The following PELI2 variants were observed in gnomAD, a reference collection of about 807,000 sequenced individuals.
PELI2 encodes E3 ubiquitin-protein ligase pellino homolog 2.
In PELI2, 23 loss-of-function variants were observed where a neutral mutation model predicts 42.3. The observed-to-expected ratio is 0.54, with a 90% confidence interval of 0.39 to 0.77. The LOEUF is 0.77. Ranked by LOEUF, PELI2 falls within the 30% of genes least tolerant of loss-of-function variation. The pLI is 0.00. For missense variants in PELI2, 463 were observed against 553.2 expected (o/e 0.84, Z 1.64); for synonymous variants, 245 against 212.2 (o/e 1.15, Z -1.34).
intron 2 of PELI2, among the ~76,000 whole-genome samples, chr14:56,268,893 C>A (rs1165645984): frequency 6.6e-6 from 1 of 152,172 alleles, no homozygotes; most frequent in Non-Finnish European, 1.5e-5. Flanking sequence ...TTGTAGGGAG[C>A]TGCTACACGG....
chr14:56,255,608 A>C (rs1330043653), intron 2 of PELI2, among the ~76,000 whole-genome samples: 2 of 152,162 alleles, frequency 1.3e-5, no homozygotes, highest in African/African-American at 4.8e-5. Context: ...TGTTGTGCAC[A>C]TGTATCCCAG....
chr14:56,135,508 A>G (rs527604259), intron 1 of PELI2, among the ~76,000 whole-genome samples: 4 of 152,318 alleles, frequency 2.6e-5, no homozygotes, highest in Non-Finnish European at 4.4e-5. Context: ...TTTTGAGGGC[A>G]TGTTGGTGGT....
chr14:56,277,969 C>T (rs969539542), intron 2 of PELI2, among the ~76,000 whole-genome samples: 1 of 152,098 alleles, frequency 6.6e-6, no homozygotes, highest in African/African-American at 2.4e-5. Flanking sequence ...AAAAGTATTT[C>T]CCATTATTGC....
At chr14:56,224,260 C>T (rs902543191) in intron 2 of PELI2, among the ~76,000 whole-genome samples, 1 of 152,206 alleles carries the variant, frequency 6.6e-6, no homozygotes, top group African/African-American at 2.4e-5. Flanking sequence ...TTTAATACTG[C>T]TTGCAGACCT....
At chr14:56,139,610 A>T (rs1883827412) in intron 1 of PELI2, among the ~76,000 whole-genome samples, 1 of 152,102 alleles carries the variant, frequency 6.6e-6, no homozygotes, top group Non-Finnish European at 1.5e-5. Context: ...AGGTCTTTTT[A>T]AAAAAATTCT....
At position 56,288,391 on chromosome 14, in the gene PELI2, C is replaced by A. The variant is rs200418198; in HGVS notation, c.310-46C>A. ...TTTTCCTTGTGAATAAAATACGGCA[C>A]CCTGCTATTTTCCAAGTGAATCACG... On this transcript the variant is annotated intron_variant, in intron 3 of 5. Coordinates refer to ENST00000267460, the MANE Select transcript of PELI2 (RefSeq NM_021255.3). This position sits in a 1 kb window ranked among gnomAD's most constrained non-coding sequence, Gnocchi z 4.6. 2.1e-6 allele frequency: 3 copies of A among 1,433,932 alleles called. No homozygotes were observed. The highest frequency in any genetic ancestry group is 2.9e-6 in the Non-Finnish European group (3 of 1,022,520). 88.8% of individuals were successfully genotyped at this position (1,433,932 alleles called of 1,614,324 possible). A position where few individuals can be genotyped will look rare whatever the true frequency, so the allele number is the denominator to read the frequency against.
At chr14:56,161,504 A>G (rs892125489) in intron 1 of PELI2, among the ~76,000 whole-genome samples, 7 of 151,882 alleles carry the variant, frequency 4.6e-5, no homozygotes, top group Non-Finnish European at 1.0e-4. Flanking sequence ...CGATCTCTTG[A>G]CCTCGCGATC....
At chr14:56,194,463 C>T (rs1225606541) in intron 2 of PELI2, among the ~76,000 whole-genome samples, 1 of 152,240 alleles carries the variant, frequency 6.6e-6, no homozygotes, top group Admixed American at 6.5e-5. Context: ...TGCTTCTTCA[C>T]CAGTCGCCAT....
intron 2 of PELI2, among the ~76,000 whole-genome samples, chr14:56,241,037 G>A (rs1389192525): frequency 6.6e-6 from 1 of 152,128 alleles, no homozygotes; most frequent in Non-Finnish European, 1.5e-5. Flanking sequence ...GATCTTGACA[G>A]TCTCCCCTTG....
At chr14:56,156,857 CCT>C (rs1884585472) in intron 1 of PELI2, among the ~76,000 whole-genome samples, 1 of 152,138 alleles carries the variant, frequency 6.6e-6, no homozygotes, top group African/African-American at 2.4e-5. Flanking sequence ...TCAAACTGTG[CCT>C]CTCTGTGTAA....
rs1453298044 is a variant in PELI2 at position 56,275,087 on chromosome 14, TTC to T, written c.208-4588_208-4587del. Among the ~76,000 whole-genome samples, 925 of 152,264 alleles carry T rather than the reference TTC, an allele frequency of 6.1e-3. 7 individuals carry two copies. Among genetic ancestry groups the T allele is most frequent in the African/African-American group, 0.021 (881 of 41,562 alleles). ...ATTCGTTCATTCATTCATTCATTCA[TTC>T]ATTCGTTTGACATTCATTGAATGCC... On this transcript the variant is annotated intron_variant, in intron 2 of 5. Transcript: ENST00000267460.
At chr14:56,185,926 A>G (rs1020991114) in intron 2 of PELI2, among the ~76,000 whole-genome samples, 2 of 152,166 alleles carry the variant, frequency 1.3e-5, no homozygotes, top group Non-Finnish European at 2.9e-5. Flanking sequence ...TTCTGTCCCC[A>G]TTCTCCCAAG....
Position 56,214,974 on chromosome 14 carries a change from T to C in PELI2, c.207+36510T>C, listed in dbSNP as rs149605829. Among the ~76,000 whole-genome samples, 39 of 152,340 alleles carry C rather than the reference T, an allele frequency of 2.6e-4. No individual in the cohort carries two copies. The East Asian group carries it at 7.3e-3, about 29-fold the overall frequency. On this transcript the variant is annotated intron_variant, in intron 2 of 5. Coordinates refer to ENST00000267460, the MANE Select transcript of PELI2 (RefSeq NM_021255.3). ...ATACTCTCCTGAATAGCCTTTTAAA[T>C]TTTAATTTAGATATTATGGGCATCT...
At chr14:56,210,955 T>G (rs889738797) in intron 2 of PELI2, among the ~76,000 whole-genome samples, 1 of 152,232 alleles carries the variant, frequency 6.6e-6, no homozygotes, top group Non-Finnish European at 1.5e-5. Context: ...CTGTTCCTTT[T>G]GGTGGTAGGT....
At chr14:56,294,996 G>A (rs1440115305) in intron 5 of PELI2, among the ~76,000 whole-genome samples, 1 of 152,152 alleles carries the variant, frequency 6.6e-6, no homozygotes, top group African/African-American at 2.4e-5. Flanking sequence ...CATTTCTCCT[G>A]TGTTTCTGTC....
intron 1 of PELI2, among the ~76,000 whole-genome samples, chr14:56,120,812 C>T (rs944538592): frequency 1.3e-5 from 2 of 152,158 alleles, no homozygotes; most frequent in African/African-American, 2.4e-5. Context: ...GTATTGGTTT[C>T]TTCGGCTGGA....
At chr14:56,225,215 A>G (rs1035083357) in intron 2 of PELI2, among the ~76,000 whole-genome samples, 1 of 152,072 alleles carries the variant, frequency 6.6e-6, no homozygotes, top group Non-Finnish European at 1.5e-5. Flanking sequence ...CAGCTGTGTG[A>G]ACTTTGGACT....
At chr14:56,232,254 T>C (rs1055351975) in intron 2 of PELI2, among the ~76,000 whole-genome samples, 12 of 152,124 alleles carry the variant, frequency 7.9e-5, no homozygotes, top group Non-Finnish European at 1.3e-4. Context: ...CCCTAACTCA[T>C]TTTATGAGGC....
chr14:56,169,444 C>T (rs950186662), intron 1 of PELI2, among the ~76,000 whole-genome samples: 3 of 152,180 alleles, frequency 2.0e-5, no homozygotes, highest in Non-Finnish European at 4.4e-5. Flanking sequence ...CTGAGTTGGT[C>T]TGGTGTTCCT....
Sources: gnomAD v4.1 joint callset for allele counts (sites outside exome capture counted in the v4.1 genomes callset) on GRCh38, gnomAD v4.1.1 for gene constraint, Gnocchi (gnomAD v3.1) non-coding constraint, MANE v1.5 for transcripts, NCBI Gene and HGNC (gene_info 2026-07-23, HGNC 2026-07-21) for gene names.